OSBPL1A: variants seen among roughly 807,000 people sequenced by gnomAD.
The protein encoded by OSBPL1A is oxysterol-binding protein-related protein 1.
OSBPL1A carries 80 observed loss-of-function variants against 137.1 expected under a neutral mutation model. The observed-to-expected ratio is 0.58, with a 90% confidence interval of 0.49 to 0.70. The LOEUF (loss-of-function observed/expected upper bound fraction) is 0.70, where lower values mean the gene tolerates loss of function less well. OSBPL1A is among the 30% of genes least tolerant of loss of function. OSBPL1A has a pLI of 0.00. For synonymous variants in OSBPL1A, 365 were observed against 389.7 expected (o/e 0.94, Z 0.75); for missense variants, 970 against 1,129.4 (o/e 0.86, Z 2.02).
intron 17 of OSBPL1A, among the ~76,000 whole-genome samples, chr18:24,198,295 G>C (rs1025576407): frequency 2.0e-5 from 3 of 152,206 alleles, no homozygotes; most frequent in African/African-American, 7.2e-5. Context: ...CTTGGAGGCA[G>C]AAGATGAGAG....
chr18:24,264,448 G>C (rs564937786), intron 15 of OSBPL1A, among the ~76,000 whole-genome samples: 2 of 152,064 alleles, frequency 1.3e-5, no homozygotes, highest in African/African-American at 2.4e-5. Context: ...AATTCAGTGA[G>C]GGCCATTTTT....
At chr18:24,210,394 T>C (rs2087501506) in intron 17 of OSBPL1A, among the ~76,000 whole-genome samples, 1 of 152,168 alleles carries the variant, frequency 6.6e-6, no homozygotes, top group South Asian at 2.1e-4. Flanking sequence ...GCTAAAATTG[T>C]GCTACTGCAC....
At chr18:24,176,763 G>C (rs2086458899) in intron 21 of OSBPL1A, among the ~76,000 whole-genome samples, 3 of 152,208 alleles carry the variant, frequency 2.0e-5, no homozygotes, top group Admixed American at 1.3e-4. Context: ...TAGCCATCCA[G>C]GGACCTGGCT....
intron 4 of OSBPL1A, among the ~76,000 whole-genome samples, chr18:24,345,841 C>T (rs1469019600): frequency 6.6e-6 from 1 of 152,142 alleles, no homozygotes; most frequent in African/African-American, 2.4e-5. Flanking sequence ...TTTCATAGCA[C>T]TTCTAAATGC....
chr18:24,388,464 G>GTT (rs141018311), intron 1 of OSBPL1A, among the ~76,000 whole-genome samples: 2 of 149,490 alleles, frequency 1.3e-5, no homozygotes, highest in Non-Finnish European at 1.5e-5. Flanking sequence ...AAAATTAACA[G>GTT]TTTTTTTTTT....
intron 21 of OSBPL1A, 131 bp from the exon 22 acceptor site, chr18:24,172,614 A>G (rs2086317835): frequency 5.2e-6 from 3 of 571,954 alleles, no homozygotes; most frequent in Non-Finnish European, 9.1e-6. Context: ...CTAAGCCTTT[A>G]AAAATTCTAT....
At chr18:24,287,912 A>G (rs934955148) in intron 14 of OSBPL1A, among the ~76,000 whole-genome samples, 19 of 152,250 alleles carry the variant, frequency 1.2e-4, no homozygotes, top group African/African-American at 4.3e-4. Context: ...TGCCTGAAAG[A>G]AAGCTTGGAC....
chr18:24,385,563 G>C (rs1323938049), intron 1 of OSBPL1A, among the ~76,000 whole-genome samples: 1 of 152,120 alleles, frequency 6.6e-6, no homozygotes, highest in Non-Finnish European at 1.5e-5. Context: ...AGTGGAGAGG[G>C]GACACAGAAG....
At chr18:24,181,860 C>G (rs1421017141) in intron 18 of OSBPL1A, among the ~76,000 whole-genome samples, 3 of 152,172 alleles carry the variant, frequency 2.0e-5, no homozygotes, top group Non-Finnish European at 2.9e-5. Context: ...AAAAGCTCCC[C>G]TTCCTGCCTT....
intron 18 of OSBPL1A, among the ~76,000 whole-genome samples, chr18:24,186,175 CAT>C (rs1275796311): frequency 7.2e-5 from 11 of 152,088 alleles, no homozygotes; most frequent in Non-Finnish European, 1.0e-4. Flanking sequence ...GTCGCAGTCA[CAT>C]GTGATAAAAG....
intron 15 of OSBPL1A, among the ~76,000 whole-genome samples, chr18:24,278,853 A>G (rs2089898628): frequency 6.6e-6 from 1 of 152,222 alleles, no homozygotes; most frequent in African/African-American, 2.4e-5. Flanking sequence ...AGAACACTAA[A>G]TCATCTGTTA....
intron 27 of OSBPL1A, 22 bp downstream of exon 27, chr18:24,165,043 A>G (rs1471259463): frequency 6.2e-7 from 1 of 1,612,702 alleles, no homozygotes; most frequent in East Asian, 2.2e-5. Flanking sequence ...GCTCAGCCAC[A>G]CCCCCTGACT....
At chr18:24,304,735 TCTC>T (rs1205679437) in intron 13 of OSBPL1A, among the ~76,000 whole-genome samples, 2 of 152,176 alleles carry the variant, frequency 1.3e-5, no homozygotes, top group Non-Finnish European at 2.9e-5. Flanking sequence ...AATACTCTTT[TCTC>T]CTATTTCACC....
At chr18:24,353,384 C>CT (rs1338268366) in intron 4 of OSBPL1A, among the ~76,000 whole-genome samples, 1 of 152,042 alleles carries the variant, frequency 6.6e-6, no homozygotes, top group Non-Finnish European at 1.5e-5. Context: ...TCTCACACCA[C>CT]TTAGAATGGC....
intron 12 of OSBPL1A, 101 bp from the exon 13 acceptor site, chr18:24,312,207 A>C (rs1301418444): frequency 5.7e-6 from 8 of 1,406,882 alleles, no homozygotes; most frequent in Non-Finnish European, 7.7e-6. Flanking sequence ...CTAGTGAAAT[A>C]AATATTATGG....
intron 6 of OSBPL1A, 129 bp downstream of exon 6, chr18:24,334,116 C>A (rs921928145): frequency 1.6e-6 from 1 of 607,452 alleles, no homozygotes; most frequent in Non-Finnish European, 2.7e-6. Flanking sequence ...TTTGGTTCTA[C>A]TATTATGATC....
intron 21 of OSBPL1A, among the ~76,000 whole-genome samples, chr18:24,173,252 T>C (rs2086337512): frequency 6.6e-6 from 1 of 152,112 alleles, no homozygotes; most frequent in Admixed American, 6.5e-5. Context: ...TACCTCAGGA[T>C]GGAGGTTTGG....
chr18:24,317,917 A>G, intron 9 of OSBPL1A, among the ~76,000 whole-genome samples: 1 of 152,228 alleles, frequency 6.6e-6, no homozygotes, highest in Non-Finnish European at 1.5e-5. Flanking sequence ...GTACCATGTG[A>G]TAATTCAAAT....
intron 11 of OSBPL1A, among the ~76,000 whole-genome samples, chr18:24,315,008 C>A (rs182131901): frequency 6.6e-6 from 1 of 152,188 alleles, no homozygotes; most frequent in Non-Finnish European, 1.5e-5. Flanking sequence ...CTATCAGAGG[C>A]CCCCCACCTG....
Sources: gnomAD v4.1 joint callset for allele counts (sites outside exome capture counted in the v4.1 genomes callset) on GRCh38, gnomAD v4.1.1 for gene constraint, MANE v1.5 for transcripts, NCBI Gene and HGNC (gene_info 2026-07-23, HGNC 2026-07-21) for gene names.